CLNK: variants seen among roughly 807,000 people sequenced by gnomAD.
CLNK encodes cytokine-dependent hematopoietic cell linker.
CLNK carries 74 observed loss-of-function variants against 68.6 expected under a neutral mutation model. The observed-to-expected ratio is 1.08, with a 90% CI of 0.89 to 1.31. The LOEUF is 1.31. CLNK is among the 50% of genes most tolerant of loss of function. The pLI, the probability that CLNK is intolerant of heterozygous loss-of-function variation, is 0.00. For missense variants in CLNK, 553 were observed against 515.3 expected (o/e 1.07, Z -0.71); for synonymous variants, 198 against 172.2 (o/e 1.15, Z -1.17).
chr4:10,688,743 C>T (rs907830337), upstream of CLNK, among the ~76,000 whole-genome samples: 6 of 152,180 alleles, frequency 3.9e-5, no homozygotes, highest in African/African-American at 1.2e-4. Context: ...CTGTTAACAA[C>T]CTGAAATCTA....
chr4:10,702,857 G>A, the CLNK span, among the ~76,000 whole-genome samples: 2 of 152,140 alleles, frequency 1.3e-5, no homozygotes, highest in African/African-American at 2.4e-5. Context: ...GATAAGAGCT[G>A]CACTTTCCCT....
chr4:10,495,053 C>T (rs1351167105), intron 18 of CLNK, among the ~76,000 whole-genome samples: 1 of 151,582 alleles, frequency 6.6e-6, no homozygotes, highest in African/African-American at 2.4e-5. Flanking sequence ...GAGATAAATG[C>T]CAAGCAAGCA....
At chr4:10,613,349 G>A (rs182566396) in intron 2 of CLNK, among the ~76,000 whole-genome samples, 30 of 152,252 alleles carry the variant, frequency 2.0e-4, no homozygotes, top group Admixed American at 1.7e-3. Flanking sequence ...CATCAGCTGT[G>A]GGATAACTGA....
intron 8 of CLNK, among the ~76,000 whole-genome samples, chr4:10,553,131 G>A (rs746872055): frequency 1.3e-5 from 2 of 152,012 alleles, no homozygotes; most frequent in African/African-American, 2.4e-5. Flanking sequence ...AGGAATATCC[G>A]CCCCAAACAA....
At chr4:10,634,662 C>T (rs527863335) in intron 2 of CLNK, among the ~76,000 whole-genome samples, 1 of 152,296 alleles carries the variant, frequency 6.6e-6, no homozygotes, top group East Asian at 1.9e-4. Flanking sequence ...CCAGCTTTCC[C>T]AGTCTAACTT....
rs533497517 is a variant in CLNK at position 10,548,573 on chromosome 4, T to C, written c.446-6293A>G. On this transcript the variant is annotated intron_variant, in intron 8 of 18. Coordinates refer to ENST00000226951, the MANE Select transcript of CLNK (RefSeq NM_052964.4). Reference sequence around the variant, plus strand: ...TTTTGGTCTCATACCCAAAAAGTCATTGGCAAGATACAATGCCAAGGATCT... The same window carrying C: ...TTTTGGTCTCATACCCAAAAAGTCACTGGCAAGATACAATGCCAAGGATCT... Among the ~76,000 whole-genome samples, 12 of 152,330 alleles carry C rather than the reference T, an allele frequency of 7.9e-5. No individual in the cohort carries two copies. In the South Asian group the frequency reaches 2.5e-3, roughly 32 times the overall value.
chr4:10,716,269 A>C, the CLNK span, among the ~76,000 whole-genome samples: 4 of 152,198 alleles, frequency 2.6e-5, no homozygotes, highest in African/African-American at 7.2e-5. Context: ...TGATAGGATC[A>C]AGTAAATAGG....
intron 8 of CLNK, among the ~76,000 whole-genome samples, chr4:10,546,994 C>T (rs1173704460): frequency 1.3e-5 from 2 of 152,132 alleles, no homozygotes; most frequent in African/African-American, 4.8e-5. Context: ...AGTTCCCCTT[C>T]CATGACAATC....
intron 16 of CLNK, among the ~76,000 whole-genome samples, chr4:10,509,226 C>T (rs1034409649): frequency 1.3e-4 from 20 of 152,112 alleles, no homozygotes; most frequent in African/African-American, 4.8e-4. Context: ...GAAAGTAAAC[C>T]TGATATATTA....
At chr4:10,645,416 C>T (rs1489420568) in intron 2 of CLNK, among the ~76,000 whole-genome samples, 4 of 152,196 alleles carry the variant, frequency 2.6e-5, no homozygotes, top group African/African-American at 9.7e-5. Context: ...AGATTCTATA[C>T]TCATCCTGAA....
At chr4:10,607,120 G>A (rs779033646) in intron 2 of CLNK, among the ~76,000 whole-genome samples, 5 of 152,218 alleles carry the variant, frequency 3.3e-5, no homozygotes, top group Non-Finnish European at 5.9e-5. Flanking sequence ...ATGATTGGTA[G>A]TCCATTCTAG....
At chr4:10,532,079 C>A (rs34401443) in intron 12 of CLNK, 177 bp downstream of exon 12, 1 of 665,546 alleles carries the variant, frequency 1.5e-6, no homozygotes, top group Non-Finnish European at 2.7e-6. Context: ...AAATCTGGAG[C>A]TAAGCTTGTT....
chr4:10,641,215 A>G (rs1200974140), intron 2 of CLNK, among the ~76,000 whole-genome samples: 3 of 152,210 alleles, frequency 2.0e-5, no homozygotes, highest in Non-Finnish European at 4.4e-5. Flanking sequence ...AGGCTTACTC[A>G]GTGGGGTTTC....
rs1361521429 is a variant in CLNK, at chr4:10,537,053, G to C, written c.602+3441C>G. Among the ~76,000 whole-genome samples, 6 of 152,296 alleles carry C rather than the reference G, an allele frequency of 3.9e-5. No individual in the cohort carries two copies. In the East Asian group the frequency reaches 1.2e-3, roughly 29 times the overall value. Reference sequence around the variant, plus strand: ...CCTGTCTGCATATTAGCTTCACCTGGGGGAGCCTTAAAAATTCTGATGCCC... The same window carrying C: ...CCTGTCTGCATATTAGCTTCACCTGCGGGAGCCTTAAAAATTCTGATGCCC... On this transcript the variant is annotated intron_variant, in intron 11 of 18. Transcript: ENST00000226951.
At chr4:10,531,163 AG>A (rs1718521692) in intron 12 of CLNK, among the ~76,000 whole-genome samples, 1 of 152,212 alleles carries the variant, frequency 6.6e-6, no homozygotes, top group Non-Finnish European at 1.5e-5. Context: ...CTTAGAGTCC[AG>A]TGGGAGTGAG....
chr4:10,708,557 A>G, the CLNK span, among the ~76,000 whole-genome samples: 1 of 152,186 alleles, frequency 6.6e-6, no homozygotes, highest in East Asian at 1.9e-4. Flanking sequence ...CACAGAAATA[A>G]GCACAAAGTA....
At chr4:10,527,913 A>T (rs1365378249) in intron 13 of CLNK, among the ~76,000 whole-genome samples, 163 bp downstream of exon 13, 1 of 152,092 alleles carries the variant, frequency 6.6e-6, no homozygotes, top group African/African-American at 2.4e-5. Context: ...GGTCCTGGGG[A>T]TGTATGTGTG....
At chr4:10,554,485 A>G (rs1719585015) in intron 8 of CLNK, among the ~76,000 whole-genome samples, 1 of 152,198 alleles carries the variant, frequency 6.6e-6, no homozygotes, top group Non-Finnish European at 1.5e-5. Flanking sequence ...AATTTGTTAT[A>G]TCAAACAGTT....
chr4:10,521,770 A>C (rs1256336668), intron 14 of CLNK, among the ~76,000 whole-genome samples: 1 of 152,202 alleles, frequency 6.6e-6, no homozygotes, highest in East Asian at 1.9e-4. Context: ...TTAAAACCAG[A>C]ATCCTTTTAC....
Sources: gnomAD v4.1 joint callset for allele counts (sites outside exome capture counted in the v4.1 genomes callset) on GRCh38, gnomAD v4.1.1 for gene constraint, MANE v1.5 for transcripts, NCBI Gene and HGNC (gene_info 2026-07-23, HGNC 2026-07-21) for gene names.